Variants in AFF3 observed in about 807,000 individuals in gnomAD.
The protein encoded by AFF3 is ALF transcription elongation factor 3, also known as AF4/FMR2 family member 3.
Under a neutral mutation model 129.7 loss-of-function variants are expected in AFF3, and 32 were observed. The ratio of observed to expected loss-of-function variants is 0.25; its 90% CI spans 0.19 to 0.33. The LOEUF is 0.33. AFF3 is among the 10% of genes least tolerant of loss of function. The probability of loss-of-function intolerance (pLI) is 1.00; values close to 1 mark genes in which losing one functional copy is unlikely to be tolerated. For synonymous variants in AFF3, 644 were observed against 635.4 expected (o/e 1.01, Z -0.20); for missense variants, 1,373 against 1,592.0 (o/e 0.86, Z 2.34).
intron 3 of AFF3, chr2:100,104,781 G>A (rs1231583953): frequency 1.1e-6 from 1 of 895,182 alleles, no homozygotes. Context: ...CCTCGCGGCG[G>A]CCCGGCCCGC....
intron 4 of AFF3, among the ~76,000 whole-genome samples, chr2:100,074,039 G>A (rs1477877624): frequency 6.6e-6 from 1 of 152,138 alleles, no homozygotes; most frequent in African/African-American, 2.4e-5. Flanking sequence ...AGAAAACTGC[G>A]AACGACCACC....
rs540753008 is a variant in AFF3 at position 99,716,981 on chromosome 2, T to G, written c.1091+10096A>C. Among the ~76,000 whole-genome samples, 2 of 152,292 alleles carry G rather than the reference T, an allele frequency of 1.3e-5. 1 individual carries two copies. The highest frequency in any genetic ancestry group is 1.3e-4 in the Admixed American group (2 of 15,302). ...TGTTGCCTTTTTCTTGAACTTCACA[T>G]AAAGCAAATTTTACAGTATACACTC... On this transcript the variant is annotated intron_variant, in intron 11 of 24. Coordinates refer to ENST00000672756, the MANE Select transcript of AFF3 (RefSeq NM_001386135.1).
At chr2:99,695,532 G>A (rs1370610861) in intron 11 of AFF3, among the ~76,000 whole-genome samples, 1 of 152,114 alleles carries the variant, frequency 6.6e-6, no homozygotes, top group Non-Finnish European at 1.5e-5. Context: ...AAAAAATCTG[G>A]GAAATGCCTT....
chr2:99,819,033 T>C (rs1687453304), intron 8 of AFF3, among the ~76,000 whole-genome samples: 1 of 152,178 alleles, frequency 6.6e-6, no homozygotes, highest in Admixed American at 6.5e-5. Flanking sequence ...CCAGGGGGTG[T>C]AGTATGCATT....
intron 7 of AFF3, among the ~76,000 whole-genome samples, chr2:99,840,119 G>C (rs976185805): frequency 6.6e-6 from 1 of 151,166 alleles, no homozygotes; most frequent in African/African-American, 2.4e-5. Flanking sequence ...TCTTTGGGTT[G>C]TTTTTTCACG....
intron 4 of AFF3, among the ~76,000 whole-genome samples, chr2:100,092,236 T>A (rs1310735908): frequency 2.0e-5 from 3 of 151,918 alleles, no homozygotes; most frequent in African/African-American, 4.8e-5. Context: ...ACTTTCCCTA[T>A]CTCATCACAC....
In AFF3 at chr2:99,644,355, C is replaced by T. The variant is rs201075412; in HGVS notation, c.1184+5271G>A. 5.4e-5 allele frequency among the ~76,000 whole-genome samples: 8 copies of T among 149,194 alleles called. No homozygotes were observed. In the East Asian group the frequency reaches 1.2e-3, roughly 22 times the overall value. ...TTGGCTTTTTTGCTCGTTCCTCTCT[C>T]TTTTTTTTTAAGTCAAGCATAATTT... On this transcript the variant is annotated intron_variant, in intron 13 of 24. Coordinates refer to ENST00000672756, the MANE Select transcript of AFF3 (RefSeq NM_001386135.1).
At chr2:99,691,612 T>C (rs1675664575) in intron 11 of AFF3, among the ~76,000 whole-genome samples, 1 of 152,206 alleles carries the variant, frequency 6.6e-6, no homozygotes, top group African/African-American at 2.4e-5. Flanking sequence ...CAGCAGTTTA[T>C]CAACTTTGGT....
chr2:99,630,201 A>G (rs572683820), intron 13 of AFF3, among the ~76,000 whole-genome samples: 1 of 152,322 alleles, frequency 6.6e-6, no homozygotes, highest in Non-Finnish European at 1.5e-5. Context: ...TCATGGCCAG[A>G]GGCAAAGATA....
intron 18 of AFF3, among the ~76,000 whole-genome samples, chr2:99,576,996 G>A (rs1677061941): frequency 6.6e-6 from 1 of 152,100 alleles, no homozygotes; most frequent in Admixed American, 6.6e-5. Flanking sequence ...GTGAGGGCCA[G>A]GAGTGTGTGT....
At chr2:99,582,754 A>T in intron 17 of AFF3, 44 bp downstream of exon 17, 1 of 1,602,516 alleles carries the variant, frequency 6.2e-7, no homozygotes, top group South Asian at 1.1e-5. Flanking sequence ...GGGGTGCTCA[A>T]TTTCATTTTG....
chr2:99,616,614 G>A (rs866193792), intron 13 of AFF3, among the ~76,000 whole-genome samples: 1 of 152,036 alleles, frequency 6.6e-6, no homozygotes, highest in African/African-American at 2.4e-5. Flanking sequence ...AAATTAGCTG[G>A]GTGTGGTGGT....
chr2:99,613,804 T>A (rs1037406471), intron 13 of AFF3, among the ~76,000 whole-genome samples: 8 of 152,248 alleles, frequency 5.3e-5, no homozygotes, highest in African/African-American at 1.9e-4. Context: ...TACCCGTGGT[T>A]GCAGGCGATC....
At chr2:99,706,325 T>C (rs963031055) in intron 11 of AFF3, among the ~76,000 whole-genome samples, 1 of 152,220 alleles carries the variant, frequency 6.6e-6, no homozygotes, top group Admixed American at 6.5e-5. Flanking sequence ...ACCATACCGA[T>C]TGGTCCTCTG....
intron 8 of AFF3, among the ~76,000 whole-genome samples, chr2:99,792,556 A>G (rs1685273927): frequency 1.3e-5 from 2 of 152,224 alleles, no homozygotes; most frequent in Non-Finnish European, 2.9e-5. Context: ...TCTTTGCCTT[A>G]GCATCTTCGG....
intron 4 of AFF3, among the ~76,000 whole-genome samples, chr2:100,055,622 T>G (rs889160189): frequency 7.2e-5 from 11 of 152,336 alleles, no homozygotes; most frequent in African/African-American, 2.6e-4. Flanking sequence ...ACCAGTGTTC[T>G]GTCTAGGCCA....
chr2:99,568,438 TC>T (rs1676178808), intron 19 of AFF3, among the ~76,000 whole-genome samples: 1 of 152,206 alleles, frequency 6.6e-6, no homozygotes, highest in South Asian at 2.1e-4. Context: ...GAGAAAGCAT[TC>T]ATTTCGGCAG....
intron 7 of AFF3, among the ~76,000 whole-genome samples, chr2:99,888,137 C>T (rs4850918): frequency 0.38 from 57,462 of 151,858 alleles, 11,169 homozygotes; most frequent in East Asian, 0.52. Flanking sequence ...AAGAAAGAGA[C>T]GAAAAAGTAT....
intron 8 of AFF3, among the ~76,000 whole-genome samples, chr2:99,758,729 A>G (rs138621849): frequency 6.6e-6 from 1 of 152,138 alleles, no homozygotes; most frequent in African/African-American, 2.4e-5. Context: ...ACTTATGCCC[A>G]ATCTTTAACG....
Sources: allele counts gnomAD v4.1 joint callset (sites outside exome capture counted in the v4.1 genomes callset), GRCh38; gene constraint gnomAD v4.1.1; transcripts MANE v1.5; gene names NCBI Gene and HGNC (gene_info 2026-07-23, HGNC 2026-07-21).